Variants in TSHZ2 observed in about 807,000 individuals in gnomAD.
The protein encoded by TSHZ2 is teashirt homolog 2.
Under a neutral mutation model 74.4 loss-of-function variants are expected in TSHZ2, and 21 were observed. The ratio of observed to expected loss-of-function variants is 0.28; its 90% CI spans 0.20 to 0.41. The LOEUF is 0.41. TSHZ2 is among the 10% of genes least tolerant of loss of function. TSHZ2 has a pLI of 1.00. For missense variants in TSHZ2, 1,244 were observed against 1,293.5 expected, an observed-to-expected ratio of 0.96 and a Z score of 0.59; for synonymous variants, 540 against 515.3, an observed-to-expected ratio of 1.05 and a Z score of -0.65.
intron 1 of TSHZ2, among the ~76,000 whole-genome samples, chr20:53,142,382 A>T (rs1293417): frequency 6.6e-6 from 1 of 152,184 alleles, no homozygotes; most frequent in Non-Finnish European, 1.5e-5. Flanking sequence ...CCAAATGCCC[A>T]GGAGGAAAAA....
At chr20:53,196,927 C>T (rs1366364602) in intron 1 of TSHZ2, among the ~76,000 whole-genome samples, 1 of 152,266 alleles carries the variant, frequency 6.6e-6, no homozygotes, top group Non-Finnish European at 1.5e-5. Flanking sequence ...CTCAGCTTCC[C>T]TATGTCCAAT....
chr20:53,191,627 C>T (rs963180318), intron 1 of TSHZ2, among the ~76,000 whole-genome samples: 2 of 152,190 alleles, frequency 1.3e-5, no homozygotes, highest in African/African-American at 4.8e-5. Flanking sequence ...TGCACCACTG[C>T]GCTCCAGCCT....
chr20:52,977,182 C>A (rs565115916), intron 1 of TSHZ2, among the ~76,000 whole-genome samples: 1 of 152,054 alleles, frequency 6.6e-6, no homozygotes, highest in East Asian at 1.9e-4. Context: ...TCCCAGAAAT[C>A]TCAACCAACA....
chr20:53,289,982 T>G (rs1991250145), intron 2 of TSHZ2, among the ~76,000 whole-genome samples: 1 of 152,244 alleles, frequency 6.6e-6, no homozygotes, highest in South Asian at 2.1e-4. Context: ...CATGAAGAGT[T>G]GTAAATGGCC....
chr20:53,034,571 G>A (rs1338406760), intron 1 of TSHZ2, among the ~76,000 whole-genome samples: 1 of 152,190 alleles, frequency 6.6e-6, no homozygotes, highest in Non-Finnish European at 1.5e-5. Context: ...ATAGAATAAT[G>A]TGTTTGTGAG....
intron 2 of TSHZ2, among the ~76,000 whole-genome samples, chr20:53,433,064 GCCCCTC>G: frequency 6.6e-6 from 1 of 152,240 alleles, no homozygotes; most frequent in South Asian, 2.1e-4. Context: ...AGCTACCTTT[GCCCCTC>G]TTCTCAGAGG....
At chr20:53,009,159 G>A (rs2426455) in intron 1 of TSHZ2, among the ~76,000 whole-genome samples, 4 of 151,426 alleles carry the variant, frequency 2.6e-5, no homozygotes, top group Non-Finnish European at 5.9e-5. Flanking sequence ...GAGACCAATC[G>A]CTACAAAAAA....
At chr20:53,270,027 G>A (rs1990803189) in intron 2 of TSHZ2, among the ~76,000 whole-genome samples, 1 of 151,894 alleles carries the variant, frequency 6.6e-6, no homozygotes, top group Non-Finnish European at 1.5e-5. Flanking sequence ...GGAAACTGAG[G>A]CATTTTTCAA....
At chr20:53,363,307 C>T (rs1303824033) in intron 2 of TSHZ2, among the ~76,000 whole-genome samples, 1 of 152,222 alleles carries the variant, frequency 6.6e-6, no homozygotes, top group Non-Finnish European at 1.5e-5. Flanking sequence ...TCAAGGTCAA[C>T]TTCTTAGAAG....
intron 1 of TSHZ2, among the ~76,000 whole-genome samples, chr20:53,013,532 T>C (rs1283867232): frequency 6.6e-6 from 1 of 152,230 alleles, no homozygotes; most frequent in Non-Finnish European, 1.5e-5. Flanking sequence ...GTCCTTGTCC[T>C]CTAGACTGGG....
At chr20:53,306,454 A>G (rs184180950) in intron 2 of TSHZ2, among the ~76,000 whole-genome samples, 70 of 152,268 alleles carry the variant, frequency 4.6e-4, no homozygotes, top group African/African-American at 1.6e-3. Context: ...AGAATTAGCC[A>G]CCCAGTAGCT....
At chr20:53,182,140 TCTCC>T (rs958605910) in intron 1 of TSHZ2, among the ~76,000 whole-genome samples, 6 of 146,154 alleles carry the variant, frequency 4.1e-5, no homozygotes, top group Non-Finnish European at 9.0e-5. Flanking sequence ...CCCTCCCTTC[TCTCC>T]CTCCCTCCCT....
chr20:53,096,283 A>G (rs1200193521), intron 1 of TSHZ2, among the ~76,000 whole-genome samples: 1 of 152,152 alleles, frequency 6.6e-6, no homozygotes, highest in East Asian at 1.9e-4. Context: ...CTGAGACTAC[A>G]GGCGTGCACC....
At chr20:53,141,823 C>T (rs1008569385) in intron 1 of TSHZ2, among the ~76,000 whole-genome samples, 4 of 152,180 alleles carry the variant, frequency 2.6e-5, no homozygotes, top group Admixed American at 1.3e-4. Flanking sequence ...TGCTGATAGG[C>T]GCTAAGGGCT....
intron 2 of TSHZ2, among the ~76,000 whole-genome samples, chr20:53,318,150 G>A (rs1979101492): frequency 6.6e-6 from 1 of 152,202 alleles, no homozygotes; most frequent in African/African-American, 2.4e-5. Context: ...GGGAGGCTGG[G>A]AAGCCTCCAG....
rs531326168 is a variant in TSHZ2, at chr20:53,101,492, T to A, written c.40+128159T>A. Among the ~76,000 whole-genome samples the A allele has an allele frequency of 5.9e-5, 9 of 152,356 alleles. 1 individual carries two copies. In the East Asian group the frequency reaches 1.7e-3, roughly 29 times the overall value. The stretch of plus-strand genomic sequence containing the variant: ...CAGGAAAATGTTCTGCATTTTAAAA[T>A]GTCTGTATTCTTAAGTTTAAAGAAT... On this transcript the variant is annotated intron_variant, in intron 1 of 2. Coordinates refer to ENST00000371497, the MANE Select transcript of TSHZ2 (RefSeq NM_173485.6).
intron 1 of TSHZ2, among the ~76,000 whole-genome samples, chr20:53,150,801 C>A (rs1353501652): frequency 6.6e-6 from 1 of 151,954 alleles, no homozygotes; most frequent in African/African-American, 2.4e-5. Context: ...CATTTAAAAG[C>A]AAATAAGAAA....
At chr20:53,234,970 GATCA>G (rs1358825282) in intron 1 of TSHZ2, among the ~76,000 whole-genome samples, 1 of 152,030 alleles carries the variant, frequency 6.6e-6, no homozygotes, top group East Asian at 1.9e-4. Flanking sequence ...ACAAGGATGG[GATCA>G]ATTCATGGAG....
intron 1 of TSHZ2, chr20:53,185,238 C>G: frequency 1.0e-6 from 1 of 991,764 alleles, no homozygotes; most frequent in African/African-American, 1.7e-5. Flanking sequence ...GTTTCTCCAA[C>G]CCCTGTAGAA....
Sources: allele counts gnomAD v4.1 joint callset (sites outside exome capture counted in the v4.1 genomes callset), GRCh38; gene constraint gnomAD v4.1.1; transcripts MANE v1.5; gene names NCBI Gene and HGNC (gene_info 2026-07-23, HGNC 2026-07-21).